The following SPTLC2 variants were observed in gnomAD, a reference collection of about 807,000 sequenced individuals.
SPTLC2 encodes the protein serine palmitoyltransferase long chain base subunit 2, also known as serine palmitoyltransferase 2.
Under a neutral mutation model 62.0 loss-of-function variants are expected in SPTLC2, and 21 were observed. The observed-to-expected ratio is 0.34, with a 90% CI of 0.24 to 0.49. The LOEUF (loss-of-function observed/expected upper bound fraction) is 0.49, where lower values mean the gene tolerates loss of function less well. Ranked by LOEUF, SPTLC2 falls within the 20% of genes least tolerant of loss-of-function variation. The pLI is 0.99. For missense variants in SPTLC2, 511 were observed against 713.0 expected, an observed-to-expected ratio of 0.72 and a Z score of 3.23; for synonymous variants, 261 against 261.8, an observed-to-expected ratio of 1.00 and a Z score of 0.03.
chr14:77,538,215 C>A (rs1310285683), intron 9 of SPTLC2, among the ~76,000 whole-genome samples: 1 of 152,184 alleles, frequency 6.6e-6, no homozygotes. Flanking sequence ...TAGAGTACCT[C>A]TACCATCACA....
chr14:77,537,184 C>T (rs2079475946), intron 9 of SPTLC2, among the ~76,000 whole-genome samples: 1 of 151,944 alleles, frequency 6.6e-6, no homozygotes, highest in Admixed American at 6.6e-5. Flanking sequence ...TCACAAAGTG[C>T]TAGGATTACA....
intron 9 of SPTLC2, among the ~76,000 whole-genome samples, chr14:77,547,391 G>C (rs537677774): frequency 1.3e-5 from 2 of 152,096 alleles, no homozygotes; most frequent in African/African-American, 2.4e-5. Context: ...ACACCCAAAC[G>C]TTCTTGGGCT....
rs8020860 is a variant in SPTLC2 at position 77,562,845 on chromosome 14, C to A, written c.757-356G>T. ...AGAGAATTCCATGTAGTTTTAGTAT[C>A]ATGTTCTGTTTATCTGTGGGAAATG... On this transcript the variant is annotated intron_variant, in intron 5 of 11. Transcript: ENST00000216484. Among the ~76,000 whole-genome samples, 905 of 152,232 alleles carry A rather than the reference C, an allele frequency of 5.9e-3. 11 individuals carry two copies. Among genetic ancestry groups the A allele is most frequent in the African/African-American group, 0.021 (873 of 41,518 alleles).
intron 9 of SPTLC2, among the ~76,000 whole-genome samples, chr14:77,530,715 T>G (rs28677959): frequency 6.6e-6 from 1 of 152,044 alleles, no homozygotes; most frequent in African/African-American, 2.4e-5. Context: ...ACTAAACTGA[T>G]GCCCAGTGAG....
In SPTLC2 at chr14:77,568,331, T is replaced by C. The variant is rs74464395; in HGVS notation, c.756+2053A>G. On this transcript the variant is annotated intron_variant, in intron 5 of 11. Coordinates refer to ENST00000216484, the MANE Select transcript of SPTLC2 (RefSeq NM_004863.4). ...TGATCACAGAACATACTTTGAATAA[T>C]TTTAATACTTTCAAATTTACCAAAA... Among the ~76,000 whole-genome samples the C allele has an allele frequency of 5.3e-3, 806 of 152,346 alleles. 9 individuals carry two copies. The highest frequency in any genetic ancestry group is 0.019 in the African/African-American group (780 of 41,588).
intron 5 of SPTLC2, among the ~76,000 whole-genome samples, chr14:77,569,800 T>A (rs1468023230): frequency 1.5e-5 from 2 of 136,486 alleles, no homozygotes; most frequent in Non-Finnish European, 3.3e-5. Context: ...ATATATATAA[T>A]ATGTAACATA....
intron 3 of SPTLC2, 67 bp downstream of exon 3, chr14:77,578,888 A>G: frequency 2.6e-6 from 4 of 1,540,234 alleles, no homozygotes; most frequent in Non-Finnish European, 3.6e-6. Flanking sequence ...ATTTATAATA[A>G]CATATTTTCT....
In SPTLC2 at chr14:77,570,549, G is replaced by A. The variant is rs1230857487; in HGVS notation, c.632-41C>T. On this transcript the variant is annotated intron_variant, in intron 4 of 11. Coordinates refer to ENST00000216484, the MANE Select transcript of SPTLC2 (RefSeq NM_004863.4). ...AATAAAGTCAGTATCACAAAATCCT[G>A]AATTTAAGAATTACTCATCACTTTA... 5 of 1,571,632 alleles carry A rather than the reference G, an allele frequency of 3.2e-6. No individual in the cohort carries two copies. In the South Asian group the frequency reaches 5.6e-5, roughly 18 times the overall value.
At chr14:77,609,769 C>T (rs575370422) in intron 1 of SPTLC2, among the ~76,000 whole-genome samples, 2 of 152,162 alleles carry the variant, frequency 1.3e-5, no homozygotes, top group South Asian at 4.2e-4. Flanking sequence ...CATATGCCTG[C>T]AGTCCCAGAT....
At chr14:77,592,592 T>C (rs1010345252) in intron 2 of SPTLC2, among the ~76,000 whole-genome samples, 1 of 152,190 alleles carries the variant, frequency 6.6e-6, no homozygotes, top group East Asian at 1.9e-4. Flanking sequence ...CCATTTTTAA[T>C]CTACTTATTT....
Position 77,552,270 on chromosome 14 carries a change from C to A in SPTLC2, c.1177-48G>T, listed in dbSNP as rs774932456. ...TAAGTAGAGACAATTCTTGCATTCACCGGCAATGTCAGTCCTTTCCTTCTA... is the reference window on the plus strand; with the variant it reads ...TAAGTAGAGACAATTCTTGCATTCAACGGCAATGTCAGTCCTTTCCTTCTA... On this transcript the variant is annotated intron_variant, in intron 8 of 11. Transcript: ENST00000216484. 1.9e-6 allele frequency: 3 copies of A among 1,609,228 alleles called. No individual in the cohort carries two copies. The African/African-American group carries it at 4.0e-5, about 22-fold the overall frequency.
In SPTLC2 at chr14:77,616,356, C is replaced by T. The variant is rs999571145; in HGVS notation, c.132+92G>A. 16 of 789,692 alleles carry T rather than the reference C, an allele frequency of 2.0e-5. No homozygotes were observed. The African/African-American group carries it at 2.9e-4, about 14-fold the overall frequency. The allele number at this position is 789,692 out of a possible 1,614,324, so 48.9% of individuals were successfully genotyped here. ...CGAACGGCGCCCGCCCCGCGGATTG[C>T]CCAGCGGATGGCCCGGAGACCTCGC... On this transcript the variant is annotated intron_variant, in intron 1 of 11. Transcript: ENST00000216484.
intron 9 of SPTLC2, among the ~76,000 whole-genome samples, chr14:77,528,625 T>C (rs1054206436): frequency 6.6e-6 from 1 of 152,192 alleles, no homozygotes; most frequent in Non-Finnish European, 1.5e-5. Flanking sequence ...AAGAATGGTT[T>C]CAGTTAGTTT....
At chr14:77,544,242 T>G (rs973355087) in intron 9 of SPTLC2, among the ~76,000 whole-genome samples, 2 of 152,132 alleles carry the variant, frequency 1.3e-5, no homozygotes, top group Non-Finnish European at 2.9e-5. Context: ...ACTCCTGACC[T>G]CAAGTGATCC....
At chr14:77,574,059 C>A (rs1035876454) in intron 4 of SPTLC2, among the ~76,000 whole-genome samples, 1 of 152,206 alleles carries the variant, frequency 6.6e-6, no homozygotes, top group Non-Finnish European at 1.5e-5. Flanking sequence ...CATCAGACAG[C>A]ATGGCCCTGC....
chr14:77,512,787 C>G (rs1226617028), intron 11 of SPTLC2, among the ~76,000 whole-genome samples: 1 of 152,190 alleles, frequency 6.6e-6, no homozygotes, highest in Non-Finnish European at 1.5e-5. Context: ...GCCCTCCGAG[C>G]TCACTGCAAC....
At chr14:77,614,431 G>A (rs957325078) in intron 1 of SPTLC2, among the ~76,000 whole-genome samples, 20 of 152,010 alleles carry the variant, frequency 1.3e-4, no homozygotes, top group African/African-American at 3.6e-4. Context: ...CTGGGAGGCC[G>A]AGGCAGGCGG....
At position 77,506,310 on chromosome 14, in the gene SPTLC2, G is replaced by A. The variant is rs1224030560; in HGVS notation, c.*5974C>T. The A allele has an allele frequency of 6.6e-6, 1 of 152,182 alleles. No individual in the cohort carries two copies. Among genetic ancestry groups the A allele is most frequent in the Non-Finnish European group, 1.5e-5 (1 of 68,020 alleles). 9.4% of individuals were successfully genotyped at this position (152,182 alleles called of 1,614,324 possible). A position where few individuals can be genotyped will look rare whatever the true frequency, so the allele number is the denominator to read the frequency against. On this transcript the variant is annotated 3_prime_UTR_variant, in exon 12 of 12. Transcript: ENST00000216484. ...TATATGAACATTACAGCAATAGAAA[G>A]GGGTTATCATCACAGCATCCCCTTG...
chr14:77,583,199 CAATAAATAAATA>C (rs58888587), intron 2 of SPTLC2, among the ~76,000 whole-genome samples: 73 of 132,508 alleles, frequency 5.5e-4, no homozygotes, highest in East Asian at 3.1e-3. Flanking sequence ...AAAGCTGTCT[CAATAAATAAATA>C]AATAAATAAA....
Sources: allele counts gnomAD v4.1 joint callset (sites outside exome capture counted in the v4.1 genomes callset), GRCh38; gene constraint gnomAD v4.1.1; transcripts MANE v1.5; gene names NCBI Gene and HGNC (gene_info 2026-07-23, HGNC 2026-07-21).